CRLS1: variants seen among roughly 807,000 people sequenced by gnomAD.
CRLS1 encodes the protein cardiolipin synthase 1, also known as cardiolipin synthase (CMP-forming).
A neutral mutation model predicts 37.0 loss-of-function variants in CRLS1; 24 were observed. The observed-to-expected ratio is 0.65, with a 90% CI of 0.47 to 0.91. CRLS1 has a LOEUF of 0.91. Among genes scored for constraint, CRLS1 ranks in the 40% least tolerant of loss-of-function variants. The pLI is 0.00. For synonymous variants in CRLS1, 135 were observed against 159.7 expected, an observed-to-expected ratio of 0.85 and a Z score of 1.17; for missense variants, 373 against 395.8, an observed-to-expected ratio of 0.94 and a Z score of 0.49.
chr20:6,037,688 A>G lies in CRLS1; in HGVS notation c.*530A>G. The G allele has an allele frequency of 6.6e-6, 1 of 152,364 alleles. No homozygotes were observed. Among genetic ancestry groups the G allele is most frequent in the East Asian group, 1.9e-4 (1 of 5,192 alleles). 9.4% of individuals were successfully genotyped at this position (152,364 alleles called of 1,614,324 possible). A position where few individuals can be genotyped will look rare whatever the true frequency, so the allele number is the denominator to read the frequency against. ...TTAGTTGTAGATGAAGTAAAGTTAT[A>G]AAAGAGATTAAAAATGCGGTAACTT... On this transcript the variant is annotated 3_prime_UTR_variant, in exon 7 of 7. Transcript: ENST00000378863.
chr20:6,023,479 C>G (rs1038345723), intron 3 of CRLS1: 1 of 152,122 alleles, frequency 6.6e-6, no homozygotes, highest in Admixed American at 6.5e-5. Context: ...TCTCCCAACC[C>G]TGTGGGAATA....
chr20:6,006,437 G>A lies in CRLS1; in HGVS notation c.191G>A (p.Gly64Asp). The stretch of plus-strand genomic sequence containing the variant: ...CTTGGCTTGCGGCTGCCCGGGATCG[G>A]CCAGCGGAACCACTGTTCGGGCGCG... Reference protein sequence around the residue: ...AALGLRLPGIGQRNHCSGAGK... With the variant: ...AALGLRLPGIDQRNHCSGAGK... Residue 64 changes from glycine (G) to aspartate (D), a missense_variant, in exon 1 of 7, where the codon GGC becomes GAC. Coordinates refer to ENST00000378863, the MANE Select transcript of CRLS1 (RefSeq NM_019095.6). 2 of 1,407,342 alleles carry A rather than the reference G, an allele frequency of 1.4e-6. No homozygotes were observed. Among genetic ancestry groups the A allele is most frequent in the Non-Finnish European group, 1.8e-6 (2 of 1,081,522 alleles). 87.2% of individuals were successfully genotyped at this position (1,407,342 alleles called of 1,614,324 possible).
At chr20:6,032,781 TTCTTTTGTCCCA>T (rs1375760191) in intron 5 of CRLS1, among the ~76,000 whole-genome samples, 1 of 152,246 alleles carries the variant, frequency 6.6e-6, no homozygotes, top group East Asian at 1.9e-4. Context: ...TCTCAGTTCA[TTCTTTTGTCCCA>T]TCTTTAATGT....
chr20:6,016,804 GT>G (rs1978792018), intron 3 of CRLS1, among the ~76,000 whole-genome samples: 1 of 152,046 alleles, frequency 6.6e-6, no homozygotes, highest in South Asian at 2.1e-4. Context: ...TGTTGAGTCT[GT>G]TTTTCCAGGC....
At chr20:6,032,363 C>CTTTT (rs199513049) in intron 5 of CRLS1, among the ~76,000 whole-genome samples, 1 of 130,140 alleles carries the variant, frequency 7.7e-6, no homozygotes, top group African/African-American at 2.9e-5. Context: ...GTAATTGTTC[C>CTTTT]TTTTTTTTTT....
rs182070677 is a variant in CRLS1, at chr20:6,035,621, T to A, written c.821+1066T>A. On this transcript the variant is annotated intron_variant, in intron 6 of 6. Coordinates refer to ENST00000378863, the MANE Select transcript of CRLS1 (RefSeq NM_019095.6). ...TTTTCAGAAATAGCAATTAAAAAAATTTTTATTTTATTTTTTTGGAGACAG... is the reference window on the plus strand; with the variant it reads ...TTTTCAGAAATAGCAATTAAAAAAAATTTTATTTTATTTTTTTGGAGACAG... 9.1e-4 allele frequency among the ~76,000 whole-genome samples: 138 copies of A among 152,092 alleles called. 5 individuals are homozygous for A. In the East Asian group the frequency reaches 0.024, roughly 27 times the overall value.
chr20:6,006,699 A>G (rs533521189), intron 1 of CRLS1, 147 bp downstream of exon 1: 23 of 1,210,074 alleles, frequency 1.9e-5, no homozygotes, highest in Middle Eastern at 3.2e-4. Flanking sequence ...CTGGCAGGTC[A>G]TTCGGTCGGG....
intron 3 of CRLS1, chr20:6,031,075 T>C: frequency 2.3e-6 from 1 of 444,336 alleles, no homozygotes; most frequent in African/African-American, 2.0e-5. Flanking sequence ...AGTCTGTACT[T>C]CACTTTGTTT....
At position 6,006,334 on chromosome 20, in the gene CRLS1, G is replaced by GCCTGCTGGGC; in HGVS notation, c.96_105dup (p.Pro36GlyfsTer72). 2.9e-6 allele frequency: 4 copies of GCCTGCTGGGC among 1,360,336 alleles called. No homozygotes were observed. Among genetic ancestry groups the GCCTGCTGGGC allele is most frequent in the Non-Finnish European group, 2.8e-6 (3 of 1,054,366 alleles). 84.3% of individuals were successfully genotyped at this position (1,360,336 alleles called of 1,614,324 possible). A position where few individuals can be genotyped will look rare whatever the true frequency, so the allele number is the denominator to read the frequency against. ...GGGAACGCGGCCGAGTAAGCGACGC[G>GCCTGCTGGGC]CCTGCTGGGCCCTGCTGCCGCCCGT... On this transcript the variant is annotated frameshift_variant, in exon 1 of 7. Transcript: ENST00000378863.
Position 6,029,244 on chromosome 20 carries a change from C to T in CRLS1, c.575-2041C>T, listed in dbSNP as rs562666897. 3.2e-4 allele frequency among the ~76,000 whole-genome samples: 49 copies of T among 152,096 alleles called. 1 individual carries two copies. Among genetic ancestry groups the T allele is most frequent in the African/African-American group, 1.2e-3 (48 of 41,496 alleles). On this transcript the variant is annotated intron_variant, in intron 3 of 6. Coordinates refer to ENST00000378863, the MANE Select transcript of CRLS1 (RefSeq NM_019095.6). Reference sequence around the variant, plus strand: ...CACACTGTTGGGTTGGAACCTAATGCGCTGACCCAAACATAGTCTGAATTT... The same window carrying T: ...CACACTGTTGGGTTGGAACCTAATGTGCTGACCCAAACATAGTCTGAATTT...
chr20:6,017,850 TA>T (rs748858277), intron 3 of CRLS1, among the ~76,000 whole-genome samples: 3 of 152,340 alleles, frequency 2.0e-5, no homozygotes, highest in South Asian at 4.1e-4. Flanking sequence ...TCCAGAAAGA[TA>T]ATAAACACTT....
chr20:6,030,620 A>G (rs911093148), intron 3 of CRLS1, among the ~76,000 whole-genome samples: 3 of 151,754 alleles, frequency 2.0e-5, no homozygotes, highest in African/African-American at 4.8e-5. Context: ...TGGGAGGGTG[A>G]GGTGGGAGGA....
chr20:6,010,494 T>G (rs2090119117), intron 2 of CRLS1, among the ~76,000 whole-genome samples: 1 of 152,234 alleles, frequency 6.6e-6, no homozygotes, highest in Admixed American at 6.5e-5. Context: ...TACTCTGCTC[T>G]GGGCTGACAA....
Position 6,006,422 on chromosome 20 carries a change from G to T in CRLS1, c.176G>T (p.Arg59Leu), listed in dbSNP as rs2090055537. The change falls in exon 1 of 7, where the codon CGG becomes CTG. Residue 59 changes from arginine (R) to leucine (L), a missense_variant. Arg to Leu is a moderately radical substitution (Grantham distance 102, BLOSUM62 -2). Transcript: ENST00000378863. ...CTGCGTCCGGCCGCTCTTGGCTTGC[G>T]GCTGCCCGGGATCGGCCAGCGGAAC... ...WRLRPAALGL[R>L]LPGIGQRNHC... The T allele has an allele frequency of 7.1e-7, 1 of 1,407,744 alleles. No individual in the cohort carries two copies. Among genetic ancestry groups the T allele is most frequent in the Non-Finnish European group, 9.3e-7 (1 of 1,080,780 alleles). The allele number at this position is 1,407,744 out of a possible 1,614,324, so 87.2% of individuals were successfully genotyped here.
intron 5 of CRLS1, 123 bp from the exon 6 acceptor site, chr20:6,034,341 T>A (rs1980394888): frequency 4.6e-6 from 3 of 652,816 alleles, no homozygotes. Flanking sequence ...ATAGTGTAGA[T>A]GAACAGCAAG....
intron 1 of CRLS1, chr20:6,007,490 A>G (rs1243711001): frequency 2.9e-6 from 4 of 1,358,918 alleles, no homozygotes; most frequent in South Asian, 1.2e-5. Context: ...TTACAAATTA[A>G]TGAGACACCT....
At chr20:6,020,923 C>T (rs749509871) in intron 3 of CRLS1, among the ~76,000 whole-genome samples, 9 of 151,828 alleles carry the variant, frequency 5.9e-5, no homozygotes, top group Non-Finnish European at 1.3e-4. Flanking sequence ...TGAGCCACCG[C>T]GCCCGGCCTA....
intron 5 of CRLS1, 132 bp downstream of exon 5, chr20:6,032,212 T>C (rs1455285665): frequency 6.0e-6 from 4 of 663,740 alleles, no homozygotes; most frequent in African/African-American, 3.7e-5. Context: ...GAGAGTAGCG[T>C]TGGGCAGGCA....
chr20:6,008,468 CA>C (rs1437715393), intron 1 of CRLS1, among the ~76,000 whole-genome samples: 3 of 152,220 alleles, frequency 2.0e-5, no homozygotes, highest in Admixed American at 2.0e-4. Context: ...GTTCTTCAGA[CA>C]GCTGCCAAAG....
Sources: allele counts gnomAD v4.1 joint callset (sites outside exome capture counted in the v4.1 genomes callset), GRCh38; gene constraint gnomAD v4.1.1; transcripts MANE v1.5; gene names NCBI Gene and HGNC (gene_info 2026-07-23, HGNC 2026-07-21).